Variants in UNC5D observed in about 807,000 individuals in gnomAD.
UNC5D encodes netrin receptor UNC5D.
In UNC5D, 39 loss-of-function variants were observed where a neutral mutation model predicts 105.4. The observed-to-expected ratio is 0.37, with a 90% CI of 0.29 to 0.48. UNC5D has a LOEUF of 0.48. UNC5D is among the 20% of genes least tolerant of loss of function. The probability of loss-of-function intolerance (pLI) is 0.98; values close to 1 mark genes in which losing one functional copy is unlikely to be tolerated. For synonymous variants in UNC5D, 452 were observed against 450.4 expected (o/e 1.00, Z -0.04); for missense variants, 991 against 1,202.4 (o/e 0.82, Z 2.60).
intron 14 of UNC5D, among the ~76,000 whole-genome samples, chr8:35,764,249 G>A (rs576981985): frequency 1.1e-4 from 16 of 152,272 alleles, no homozygotes; most frequent in Admixed American, 5.9e-4. Context: ...GACCAAACAA[G>A]ATTATTTGTA....
chr8:35,294,137 A>G (rs943498152), intron 1 of UNC5D, among the ~76,000 whole-genome samples: 1 of 152,154 alleles, frequency 6.6e-6, no homozygotes, highest in Non-Finnish European at 1.5e-5. Context: ...CCCTTTTCCT[A>G]TCAAGGCTCA....
At chr8:35,265,577 A>G (rs1257963013) in intron 1 of UNC5D, among the ~76,000 whole-genome samples, 1 of 152,122 alleles carries the variant, frequency 6.6e-6, no homozygotes, top group African/African-American at 2.4e-5. Context: ...ATGCTTATAA[A>G]AATAATATGA....
chr8:35,533,937 C>T (rs917515090), intron 1 of UNC5D, among the ~76,000 whole-genome samples: 4 of 152,200 alleles, frequency 2.6e-5, no homozygotes, highest in Non-Finnish European at 4.4e-5. Context: ...CTGGCCTGCA[C>T]CCACTGTCTG....
In UNC5D at chr8:35,697,340, T is replaced by C. The variant is rs980623838; in HGVS notation, c.1085-8589T>C. On this transcript the variant is annotated intron_variant, in intron 7 of 16. Coordinates refer to ENST00000404895, the MANE Select transcript of UNC5D (RefSeq NM_080872.4). ...TGTCAGTGACTTCAGATTATGTTTT[T>C]TTTTTTTTGGAGATTATGTATTTTT... is the stretch of plus-strand genomic sequence containing the variant. 3.3e-5 allele frequency among the ~76,000 whole-genome samples: 5 copies of C among 151,968 alleles called. No individual in the cohort carries two copies. In the South Asian group the frequency reaches 6.2e-4, roughly 19 times the overall value.
At chr8:35,533,341 C>T (rs1338061196) in intron 1 of UNC5D, among the ~76,000 whole-genome samples, 1 of 151,994 alleles carries the variant, frequency 6.6e-6, no homozygotes, top group Non-Finnish European at 1.5e-5. Context: ...TGGGGGGTGC[C>T]TCCCAGTTAG....
chr8:35,786,135 C>T (rs1051178708), intron 16 of UNC5D, among the ~76,000 whole-genome samples: 2 of 152,140 alleles, frequency 1.3e-5, no homozygotes, highest in South Asian at 2.1e-4. Context: ...ATTTAAAATG[C>T]CATTTAAATG....
intron 16 of UNC5D, among the ~76,000 whole-genome samples, chr8:35,776,760 T>G (rs781131402): frequency 6.6e-6 from 1 of 152,202 alleles, no homozygotes; most frequent in Non-Finnish European, 1.5e-5. Flanking sequence ...TTTTCCCCCT[T>G]GACATTTTCA....
At chr8:35,610,122 T>TG in intron 4 of UNC5D, among the ~76,000 whole-genome samples, 1 of 150,888 alleles carries the variant, frequency 6.6e-6, no homozygotes, top group Middle Eastern at 3.4e-3. Flanking sequence ...TCAATTAATT[T>TG]GAAAAAAAAA....
intron 1 of UNC5D, among the ~76,000 whole-genome samples, chr8:35,271,410 T>C (rs968816567): frequency 7.1e-6 from 1 of 139,922 alleles, no homozygotes; most frequent in African/African-American, 2.6e-5. Context: ...TGTATGTATA[T>C]GTATACACAC....
chr8:35,768,442 T>C (rs2131717814), intron 15 of UNC5D, among the ~76,000 whole-genome samples: 1 of 152,170 alleles, frequency 6.6e-6, no homozygotes, highest in East Asian at 1.9e-4. Flanking sequence ...AAAATAAAAA[T>C]TGTAGGAAGG....
intron 9 of UNC5D, among the ~76,000 whole-genome samples, chr8:35,724,804 G>GTTTTGGT (rs1220795914): frequency 6.6e-6 from 1 of 152,140 alleles, no homozygotes; most frequent in Non-Finnish European, 1.5e-5. Context: ...TCTAAGATGG[G>GTTTTGGT]TTTTGGTCCT....
chr8:35,661,027 G>T (rs1409062097), intron 4 of UNC5D, among the ~76,000 whole-genome samples: 4 of 152,020 alleles, frequency 2.6e-5, no homozygotes, highest in Admixed American at 2.6e-4. Flanking sequence ...GAGCCCAGGG[G>T]TTCAAGCCTG....
chr8:35,512,491 T>TATATATATATATAG (rs1563488125), intron 1 of UNC5D, among the ~76,000 whole-genome samples: 11 of 115,696 alleles, frequency 9.5e-5, no homozygotes, highest in Middle Eastern at 4.2e-3. Flanking sequence ...TATATATATA[T>TATATATATATATAG]ATATATATAT....
intron 8 of UNC5D, 36 bp downstream of exon 8, chr8:35,705,997 C>A: frequency 1.6e-6 from 2 of 1,243,694 alleles, no homozygotes; most frequent in African/African-American, 1.5e-5. Flanking sequence ...ATAATTTATT[C>A]TCATATTTGC....
At chr8:35,726,063 G>A in intron 9 of UNC5D, 89 bp from the exon 10 acceptor site, 1 of 1,496,108 alleles carries the variant, frequency 6.7e-7, no homozygotes, top group Non-Finnish European at 8.9e-7. Flanking sequence ...CACCTATGCA[G>A]GCTGTTGCGC....
intron 1 of UNC5D, among the ~76,000 whole-genome samples, chr8:35,369,576 C>G (rs935805196): frequency 6.6e-6 from 1 of 152,142 alleles, no homozygotes; most frequent in Admixed American, 6.6e-5. Context: ...CTTGACTTGG[C>G]CCAGGAGTGC....
intron 1 of UNC5D, among the ~76,000 whole-genome samples, chr8:35,246,482 G>T (rs1226987549): frequency 2.0e-5 from 3 of 152,108 alleles, no homozygotes; most frequent in African/African-American, 7.2e-5. Context: ...TGCAGAAGTG[G>T]TTTGGCAGGA....
At chr8:35,264,046 A>G (rs574827591) in intron 1 of UNC5D, among the ~76,000 whole-genome samples, 1 of 152,340 alleles carries the variant, frequency 6.6e-6, no homozygotes, top group Admixed American at 6.5e-5. Context: ...AAGCTTACAA[A>G]TGGGTCATCC....
chr8:35,630,389 T>G (rs1042898648), intron 4 of UNC5D, among the ~76,000 whole-genome samples: 1 of 152,234 alleles, frequency 6.6e-6, no homozygotes, highest in African/African-American at 2.4e-5. Context: ...AAAATAAGTC[T>G]TAATTCATGG....
Sources: gnomAD v4.1 joint callset for allele counts (sites outside exome capture counted in the v4.1 genomes callset) on GRCh38, gnomAD v4.1.1 for gene constraint, MANE v1.5 for transcripts, NCBI Gene and HGNC (gene_info 2026-07-23, HGNC 2026-07-21) for gene names.